The following RYR2 variants were observed in gnomAD, a reference collection of about 807,000 sequenced individuals.
RYR2 encodes cardiac muscle ryanodine receptor-calcium release channel.
Under a neutral mutation model 601.1 loss-of-function variants are expected in RYR2, and 227 were observed. That is an observed-to-expected ratio of 0.38 (90% CI 0.34 to 0.42). The LOEUF (loss-of-function observed/expected upper bound fraction) is 0.42. Among genes scored for constraint, RYR2 ranks in the 10% least tolerant of loss-of-function variants. The probability of loss-of-function intolerance (pLI) is 1.00; values close to 1 mark genes in which losing one functional copy is unlikely to be tolerated. For synonymous variants in RYR2, 2,223 were observed against 2,175.1 expected, an observed-to-expected ratio of 1.02 and a Z score of -0.61; for missense variants, 4,646 against 6,156.5, an observed-to-expected ratio of 0.75 and a Z score of 8.21.
At chr1:237,117,387 A>T (rs1200203324) in intron 1 of RYR2, among the ~76,000 whole-genome samples, 2 of 151,994 alleles carry the variant, frequency 1.3e-5, no homozygotes, top group Non-Finnish European at 2.9e-5. Context: ...ACAGAGGAAA[A>T]TGTCATGTTG....
intron 43 of RYR2, among the ~76,000 whole-genome samples, chr1:237,634,004 T>C (rs1680611246): frequency 6.6e-6 from 1 of 152,096 alleles, no homozygotes; most frequent in Admixed American, 6.6e-5. Flanking sequence ...CCCTTATACA[T>C]GTTGGTGGGA....
At chr1:237,061,119 A>G (rs1009907757) in intron 1 of RYR2, among the ~76,000 whole-genome samples, 1 of 152,164 alleles carries the variant, frequency 6.6e-6, no homozygotes, top group Non-Finnish European at 1.5e-5. Flanking sequence ...GATGGGGAAC[A>G]CCTGCTTTGT....
Position 237,792,372 on chromosome 1 carries a change from TGTGTGTGTGCGTGTGTGTGTGTGTGC to T in RYR2, c.13782+59_13782+84del, listed in dbSNP as rs1331663759. ...ACCTGTGTGTGTGTGTGTGTGTGTG[TGTGTGTGTGCGTGTGTGTGTGTGTGC>T]GTGTGTGTGTGTGTGTGTGTGTGTG... On this transcript the variant is annotated intron_variant, in intron 94 of 104. Coordinates refer to ENST00000366574, the MANE Select transcript of RYR2 (RefSeq NM_001035.3). 1.7e-5 allele frequency: 15 copies of T among 897,284 alleles called. No homozygotes were observed. In the African/African-American group the frequency reaches 3.3e-4, roughly 20 times the overall value. 55.6% of individuals were successfully genotyped at this position (897,284 alleles called of 1,614,324 possible). A position where few individuals can be genotyped will look rare whatever the true frequency, so the allele number is the denominator to read the frequency against.
rs138341966 is a variant in RYR2, at chr1:237,062,993, G to C, written c.48+20424G>C. 2.0e-4 allele frequency among the ~76,000 whole-genome samples: 31 copies of C among 151,346 alleles called. No individual in the cohort carries two copies. The East Asian group carries it at 6.0e-3, about 29-fold the overall frequency. On this transcript the variant is annotated intron_variant, in intron 1 of 104. Transcript: ENST00000366574. ...TTTCTGTTAGTGCAATGGACTGTTTGTGCCTACCCCCAAAATTCTTATGTT... is the reference window on the plus strand; with the variant it reads ...TTTCTGTTAGTGCAATGGACTGTTTCTGCCTACCCCCAAAATTCTTATGTT...
At chr1:237,818,801 G>C (rs1662117121) in intron 100 of RYR2, among the ~76,000 whole-genome samples, 1 of 151,668 alleles carries the variant, frequency 6.6e-6, no homozygotes, top group Non-Finnish European at 1.5e-5. Context: ...TCCAAAGTGA[G>C]AGAGAAAGTG....
chr1:237,774,925 T>G (rs534720719), intron 87 of RYR2, among the ~76,000 whole-genome samples: 6 of 152,086 alleles, frequency 3.9e-5, no homozygotes, highest in Admixed American at 1.3e-4. Flanking sequence ...TAATTGAGAT[T>G]CCTGAATGTA....
At chr1:237,664,428 A>G (rs1349824225) in intron 56 of RYR2, among the ~76,000 whole-genome samples, 4 of 152,240 alleles carry the variant, frequency 2.6e-5, no homozygotes, top group Admixed American at 2.6e-4. Context: ...TTTCAAAAGA[A>G]AGAGGTTCAA....
chr1:237,704,685 T>G (rs1688226297), intron 66 of RYR2, among the ~76,000 whole-genome samples: 1 of 152,128 alleles, frequency 6.6e-6, no homozygotes, highest in African/African-American at 2.4e-5. Flanking sequence ...GGCTTGTTTT[T>G]TAAGTCTTTT....
chr1:237,504,263 A>G (rs1211096060), intron 22 of RYR2, among the ~76,000 whole-genome samples: 1 of 152,242 alleles, frequency 6.6e-6, no homozygotes, highest in Non-Finnish European at 1.5e-5. Flanking sequence ...GTCCGAAAAG[A>G]GAGTCAGCAA....
At chr1:237,631,328 C>T in intron 41 of RYR2, 99 bp from the exon 42 acceptor site, 6 of 733,074 alleles carry the variant, frequency 8.2e-6, no homozygotes, top group South Asian at 3.6e-5. Flanking sequence ...TTTTACTTTT[C>T]AACTCACATA....
intron 1 of RYR2, among the ~76,000 whole-genome samples, chr1:237,145,228 A>C (rs1195923637): frequency 6.6e-6 from 1 of 152,096 alleles, no homozygotes; most frequent in Non-Finnish European, 1.5e-5. Context: ...ATAATAAAAA[A>C]AAAAAGAAAA....
intron 1 of RYR2, among the ~76,000 whole-genome samples, chr1:237,099,905 C>T (rs968853940): frequency 1.3e-5 from 2 of 152,094 alleles, no homozygotes. Flanking sequence ...TAAATTTCCC[C>T]AGGTTAAGCT....
intron 10 of RYR2, among the ~76,000 whole-genome samples, chr1:237,414,991 GAGAACTCTT>G (rs61614137): frequency 0.7 from 106,684 of 151,438 alleles, 38,024 homozygotes; most frequent in East Asian, 1. Flanking sequence ...GACAATGTTG[GAGAACTCTT>G]AGAACTCTTT....
intron 33 of RYR2, 53 bp from the exon 34 acceptor site, chr1:237,595,445 T>A: frequency 6.3e-7 from 1 of 1,589,506 alleles, no homozygotes; most frequent in Non-Finnish European, 8.5e-7. Context: ...ATATACCTGC[T>A]TTCTCTTTTA....
chr1:237,334,585 A>G (rs1025783270), intron 3 of RYR2, among the ~76,000 whole-genome samples: 4 of 152,176 alleles, frequency 2.6e-5, no homozygotes, highest in Non-Finnish European at 5.9e-5. Flanking sequence ...AGCTGCCCAC[A>G]GAAGCTTTCA....
intron 35 of RYR2, among the ~76,000 whole-genome samples, chr1:237,604,325 G>C (rs903622561): frequency 1.3e-5 from 2 of 152,050 alleles, no homozygotes; most frequent in African/African-American, 4.8e-5. Flanking sequence ...AATGACTATG[G>C]GGTACATAAC....
chr1:237,812,876 G>A (rs1661397060), intron 100 of RYR2, among the ~76,000 whole-genome samples: 1 of 137,690 alleles, frequency 7.3e-6, no homozygotes, highest in Non-Finnish European at 1.5e-5. Flanking sequence ...GCACCACAAA[G>A]CAGAGAAAAA....
In RYR2 at chr1:237,383,469, G is replaced by A. The variant is rs562777048; in HGVS notation, c.577-3812G>A. Among the ~76,000 whole-genome samples the A allele has an allele frequency of 4.4e-4, 48 of 108,826 alleles. No individual in the cohort carries two copies. In the South Asian group the frequency reaches 6.5e-3, roughly 15 times the overall value. 71.4% of individuals were successfully genotyped at this position (108,826 alleles called of 152,430 possible). On this transcript the variant is annotated intron_variant, in intron 8 of 104. Transcript: ENST00000366574. ...TTTTGAGACAGAGTCTTGCTCTGTC[G>A]CCTAGGCTGGAGTACAGGGGCACGA...
At position 237,411,657 on chromosome 1, in the gene RYR2, A is replaced by T. The variant is rs138086706; in HGVS notation, c.774-5392A>T. 8.4e-3 allele frequency among the ~76,000 whole-genome samples: 1,282 copies of T among 152,278 alleles called. 28 individuals are homozygous for T. The highest frequency in any genetic ancestry group is 0.03 in the African/African-American group (1,232 of 41,560). On this transcript the variant is annotated intron_variant, in intron 10 of 104. Coordinates refer to ENST00000366574, the MANE Select transcript of RYR2 (RefSeq NM_001035.3). ...GTTATATTACTCATTCATTCTTCACAGTAACCCAGTAAAAATTATTCCCAT... is the reference window on the plus strand; with the variant it reads ...GTTATATTACTCATTCATTCTTCACTGTAACCCAGTAAAAATTATTCCCAT...
Sources: allele counts gnomAD v4.1 joint callset (sites outside exome capture counted in the v4.1 genomes callset), GRCh38; gene constraint gnomAD v4.1.1; transcripts MANE v1.5; gene names NCBI Gene and HGNC (gene_info 2026-07-23, HGNC 2026-07-21).